Variants in HDX observed in about 807,000 individuals in gnomAD.
HDX encodes chromosome X open reading frame 43.
A neutral mutation model predicts 45.2 loss-of-function variants in HDX; 19 were observed. The ratio of observed to expected loss-of-function variants is 0.42; its 90% CI spans 0.29 to 0.62. The LOEUF (loss-of-function observed/expected upper bound fraction) is 0.62. Ranked by LOEUF, HDX falls within the 20% of genes least tolerant of loss-of-function variation. HDX has a pLI of 0.20. For missense variants in HDX, 532 were observed against 493.9 expected, an observed-to-expected ratio of 1.08 and a Z score of -0.73; for synonymous variants, 188 against 172.8, an observed-to-expected ratio of 1.09 and a Z score of -0.69.
chrX:84,329,816 G>T (rs2036807235), intron 9 of HDX, among the ~76,000 whole-genome samples: 1 of 111,206 alleles, frequency 9.0e-6, no homozygotes, highest in Non-Finnish European at 1.9e-5. Context: ...CAAGCCCTTG[G>T]TAACCACCAT....
rs1284245399 is a variant in HDX at position 84,469,514 on chromosome X, G to A, written c.209C>T (p.Thr70Ile). Residue 70 changes from threonine (T) to isoleucine (I), a missense_variant, in exon 4 of 11, where the codon ACA becomes ATA. Around this residue, in one of 3 missense-constraint regions of HDX, gnomAD observed 376 missense variants for 343.7 expected, o/e 1.09. Coordinates refer to ENST00000373177, the MANE Select transcript of HDX (RefSeq NM_001177479.2). ...SSKNSESGTA[T>I]TGTSLSAPDI... ...TGGAGCTGACAAAGAGGTTCCTGTTGTTGCTGTTCCAGATTCAGAGTTCTT... is the reference window on the plus strand; with the variant it reads ...TGGAGCTGACAAAGAGGTTCCTGTTATTGCTGTTCCAGATTCAGAGTTCTT... The A allele has an allele frequency of 4.1e-6, 5 of 1,205,910 alleles. No individual in the cohort carries two copies. In the South Asian group the frequency reaches 8.9e-5, roughly 21 times the overall value.
chrX:84,333,871 A>G (rs1438539691), intron 8 of HDX, 29 bp from the exon 9 acceptor site: 3 of 603,620 alleles, frequency 5.0e-6, no homozygotes, highest in Admixed American at 2.8e-5. Flanking sequence ...AGTTACAAAT[A>G]TATATCACAT....
chrX:84,350,836 A>T (rs961612901), intron 6 of HDX, among the ~76,000 whole-genome samples: 1 of 111,782 alleles, frequency 8.9e-6, no homozygotes, highest in Non-Finnish European at 1.9e-5. Flanking sequence ...AATTATTTCT[A>T]TGTTAAAGCG....
intron 2 of HDX, among the ~76,000 whole-genome samples, chrX:84,477,857 T>C (rs2040588245): frequency 8.9e-6 from 1 of 111,875 alleles, no homozygotes; most frequent in Admixed American, 9.5e-5. Context: ...GTGGGGATGG[T>C]GGCTGAATTA....
At chrX:84,490,023 T>C (rs2040862958) in intron 1 of HDX, among the ~76,000 whole-genome samples, 1 of 112,224 alleles carries the variant, frequency 8.9e-6, no homozygotes, top group Admixed American at 9.4e-5. Context: ...TTTAGTAATT[T>C]CCAACTTTTA....
chrX:84,367,726 T>C (rs2037793644), intron 5 of HDX, among the ~76,000 whole-genome samples: 2 of 111,777 alleles, frequency 1.8e-5, no homozygotes, highest in Non-Finnish European at 3.8e-5. Context: ...CTGGAAACCA[T>C]CATTCTCTGC....
At chrX:84,328,604 T>C (rs1024025107) in intron 9 of HDX, among the ~76,000 whole-genome samples, 1 of 111,442 alleles carries the variant, frequency 9.0e-6, no homozygotes, top group Non-Finnish European at 1.9e-5. Flanking sequence ...GAATGACCAA[T>C]AAGCACGTCA....
Position 84,468,831 on chromosome X carries a change from T to C in HDX, c.892A>G (p.Met298Val). The C allele has an allele frequency of 2.5e-6, 3 of 1,211,725 alleles. No individual in the cohort carries two copies. The South Asian group carries it at 5.3e-5, about 21-fold the overall frequency. Reference protein sequence around the residue: ...SAEGNCLSIAMETGDAEDEYA... With the variant: ...SAEGNCLSIAVETGDAEDEYA... ...TCATCCTCAGCATCTCCAGTCTCCA[T>C]TGCAATGGACAAACAATTTCCTTCT... Residue 298 changes from methionine to valine, a missense_variant, in exon 4 of 11, where the codon ATG (methionine) becomes GTG (valine). By Grantham distance (21) the Met-to-Val change is conservative. This residue lies in a region of HDX where 376 missense variants were observed against 343.7 expected (regional missense o/e 1.09). Transcript: ENST00000373177.
At chrX:84,391,044 A>G (rs967569460) in intron 5 of HDX, among the ~76,000 whole-genome samples, 1 of 111,696 alleles carries the variant, frequency 9.0e-6, no homozygotes, top group African/African-American at 3.3e-5. Flanking sequence ...CCTATCAAAC[A>G]TTGGAAATTA....
At chrX:84,335,676 A>G (rs2036944151) in intron 8 of HDX, among the ~76,000 whole-genome samples, 1 of 111,179 alleles carries the variant, frequency 9.0e-6, no homozygotes, top group Admixed American at 9.6e-5. Context: ...ATTCATAACC[A>G]TCGAAAACAA....
At chrX:84,449,869 A>T (rs1331805648) in intron 4 of HDX, among the ~76,000 whole-genome samples, 1 of 110,470 alleles carries the variant, frequency 9.1e-6, no homozygotes, top group Non-Finnish European at 1.9e-5. Context: ...AAAAAACCAA[A>T]CACCACATGT....
In HDX at chrX:84,321,829, T is replaced by G; in HGVS notation, c.*60A>C. The G allele has an allele frequency of 9.9e-7, 1 of 1,014,863 alleles. No homozygotes were observed. The highest frequency in any genetic ancestry group is 1.3e-6 in the Non-Finnish European group (1 of 754,317). 83.6% of individuals were successfully genotyped at this position (1,014,863 alleles called of 1,213,427 possible). On this transcript the variant is annotated 3_prime_UTR_variant, in exon 11 of 11. Transcript: ENST00000373177. ...ACCAGGGCAACAGAATGCAGTTATC[T>G]TGAAATGCACACCTGTTACGAAGCC...
At chrX:84,432,912 G>A (rs752884671) in intron 5 of HDX, among the ~76,000 whole-genome samples, 63 of 111,067 alleles carry the variant, frequency 5.7e-4, no homozygotes, top group African/African-American at 2.0e-3. Context: ...GGGTTTCAAG[G>A]GGAATGCTTC....
chrX:84,442,131 G>C (rs1014124580), intron 4 of HDX, among the ~76,000 whole-genome samples: 11 of 111,243 alleles, frequency 9.9e-5, no homozygotes, highest in African/African-American at 3.6e-4. Flanking sequence ...CTTCTCACTT[G>C]CTCTTTCCTT....
chrX:84,461,522 A>G (rs1284561335), intron 4 of HDX, among the ~76,000 whole-genome samples: 1 of 110,743 alleles, frequency 9.0e-6, no homozygotes, highest in African/African-American at 3.3e-5. Flanking sequence ...TAAAAAAAAA[A>G]GTATTAAAAA....
At chrX:84,329,356 A>T (rs921987179) in intron 9 of HDX, among the ~76,000 whole-genome samples, 1 of 111,703 alleles carries the variant, frequency 9.0e-6, no homozygotes, top group Non-Finnish European at 1.9e-5. Context: ...TAATACATAC[A>T]TTATTGGTGA....
chrX:84,475,344 A>G lies in HDX; in HGVS notation c.54T>C (p.Tyr18=), dbSNP rs374292232. The G allele has an allele frequency of 1.7e-6, 2 of 1,166,327 alleles. No homozygotes were observed. Among genetic ancestry groups the G allele is most frequent in the African/African-American group, 3.6e-5 (2 of 56,312 alleles). The change falls in exon 3 of 11, where the codon TAT becomes TAC. Residue 18 remains tyrosine (Y), a synonymous_variant. Coordinates refer to ENST00000373177, the MANE Select transcript of HDX (RefSeq NM_001177479.2). Reference sequence around the variant, plus strand: ...TTTGATTTGTCATTCCATTTTCATAATAACGCTGTAAAATCCTTTGTTGTT... The same window carrying G: ...TTTGATTTGTCATTCCATTTTCATAGTAACGCTGTAAAATCCTTTGTTGTT... ...TVEQQRILQR[Y]YENGMTNQSK...
chrX:84,351,897 G>A (rs1402190990), intron 6 of HDX, among the ~76,000 whole-genome samples: 1 of 111,924 alleles, frequency 8.9e-6, no homozygotes, highest in Non-Finnish European at 1.9e-5. Context: ...TTATTCCCAC[G>A]TTTCTTACGC....
chrX:84,405,309 C>T (rs747184698), intron 5 of HDX, among the ~76,000 whole-genome samples: 101 of 110,242 alleles, frequency 9.2e-4, no homozygotes, highest in African/African-American at 3.2e-3. Flanking sequence ...GAACCTCCTA[C>T]AAACCAGACC....
Sources: allele counts gnomAD v4.1 joint callset (sites outside exome capture counted in the v4.1 genomes callset), GRCh38; gene constraint gnomAD v4.1.1; regional missense constraint gnomAD v4.1.1; transcripts MANE v1.5; gene names NCBI Gene and HGNC (gene_info 2026-07-23, HGNC 2026-07-21).